FBXL13: variants seen among roughly 807,000 people sequenced by gnomAD.
FBXL13 encodes F-box and leucine-rich repeat protein 13.
Under a neutral mutation model 83.6 loss-of-function variants are expected in FBXL13, and 67 were observed. The observed-to-expected ratio is 0.80, with a 90% CI of 0.66 to 0.98. The LOEUF is 0.98. Among genes scored for constraint, FBXL13 ranks in the 50% least tolerant of loss-of-function variants. The pLI, the probability that FBXL13 is intolerant of heterozygous loss-of-function variation, is 0.00. For synonymous variants in FBXL13, 272 were observed against 299.5 expected (o/e 0.91, Z 0.95); for missense variants, 822 against 866.5 (o/e 0.95, Z 0.64).
chr7:102,827,571 A>G (rs952391186), intron 18 of FBXL13, among the ~76,000 whole-genome samples: 1 of 151,918 alleles, frequency 6.6e-6, no homozygotes, highest in African/African-American at 2.4e-5. Context: ...ACATGTGCAC[A>G]ATGTGCATGT....
chr7:103,054,125 G>GTGGC (rs1452969109), intron 2 of FBXL13, among the ~76,000 whole-genome samples: 2 of 108,432 alleles, frequency 1.8e-5, no homozygotes, highest in Non-Finnish European at 4.5e-5. Context: ...GCCAAGCACA[G>GTGGC]TGGCTCACAC....
chr7:102,939,894 GTTTTTTT>G (rs199710203), intron 8 of FBXL13, among the ~76,000 whole-genome samples: 1 of 148,222 alleles, frequency 6.7e-6, no homozygotes, highest in Non-Finnish European at 1.5e-5. Context: ...AAATGTAGTG[GTTTTTTT>G]TTTGTTTTTT....
intron 2 of FBXL13, among the ~76,000 whole-genome samples, chr7:103,032,175 C>T (rs1794577102): frequency 6.6e-6 from 1 of 151,950 alleles, no homozygotes; most frequent in African/African-American, 2.4e-5. Context: ...CAACCCAGTC[C>T]TAAAAAAATA....
At chr7:102,948,796 C>T (rs1336143822) in intron 8 of FBXL13, among the ~76,000 whole-genome samples, 1 of 151,992 alleles carries the variant, frequency 6.6e-6, no homozygotes, top group Non-Finnish European at 1.5e-5. Flanking sequence ...ACTGTAACCT[C>T]CATCTCATGG....
chr7:102,965,305 A>C (rs895037266), intron 7 of FBXL13, among the ~76,000 whole-genome samples: 2 of 152,184 alleles, frequency 1.3e-5, no homozygotes, highest in Non-Finnish European at 2.9e-5. Context: ...GCTATGACTT[A>C]ACTAAGGCTT....
chr7:103,049,964 T>C (rs192393432), intron 2 of FBXL13: 4 of 152,258 alleles, frequency 2.6e-5, no homozygotes, highest in African/African-American at 7.2e-5. Context: ...CAGGCCACCA[T>C]TGTGAAAAGA....
chr7:103,056,944 C>G (rs1350056796), intron 1 of FBXL13, among the ~76,000 whole-genome samples: 1 of 151,854 alleles, frequency 6.6e-6, no homozygotes, highest in African/African-American at 2.4e-5. Flanking sequence ...GTTTGTTGGC[C>G]ATCTGTATAT....
At position 103,070,135 on chromosome 7, in the gene FBXL13, G is replaced by A. The variant is rs182906330; in HGVS notation, c.-105+4111C>T. On this transcript the variant is annotated intron_variant, in intron 1 of 19. Transcript: ENST00000313221. The stretch of plus-strand genomic sequence containing the variant: ...ATGTATGAAGGCAGGAAAATGTCTT[G>A]AATTATCAACAGAAGAAAATAAGCA... Among the ~76,000 whole-genome samples, 6 of 151,570 alleles carry A rather than the reference G, an allele frequency of 4.0e-5. No individual in the cohort carries two copies. In the East Asian group the frequency reaches 1.2e-3, roughly 29 times the overall value.
intron 17 of FBXL13, among the ~76,000 whole-genome samples, chr7:102,848,032 C>T (rs2129450395): frequency 6.6e-6 from 1 of 152,122 alleles, no homozygotes; most frequent in Admixed American, 6.5e-5. Flanking sequence ...CATAGATGTA[C>T]CTTTACATAT....
At chr7:103,062,261 G>A (rs964372847) in intron 1 of FBXL13, among the ~76,000 whole-genome samples, 4 of 152,120 alleles carry the variant, frequency 2.6e-5, no homozygotes, top group African/African-American at 9.7e-5. Flanking sequence ...TCCCTGTGGG[G>A]CAGTCCTTGT....
chr7:102,935,206 A>G (rs375542820), intron 8 of FBXL13, among the ~76,000 whole-genome samples: 49 of 141,336 alleles, frequency 3.5e-4, no homozygotes, highest in Middle Eastern at 3.7e-3. Context: ...GTTTTAATAA[A>G]TGCTCCTATG....
At chr7:102,929,824 T>C (rs1335727880) in intron 9 of FBXL13, among the ~76,000 whole-genome samples, 2 of 152,104 alleles carry the variant, frequency 1.3e-5, no homozygotes, top group African/African-American at 4.8e-5. Context: ...GTTGTGGTGA[T>C]GGTCAAACAA....
chr7:102,923,928 C>G (rs551965822), intron 10 of FBXL13, among the ~76,000 whole-genome samples: 1 of 151,398 alleles, frequency 6.6e-6, no homozygotes, highest in Non-Finnish European at 1.5e-5. Context: ...AATTGGTTAC[C>G]TATTTAACAA....
chr7:103,007,719 C>T (rs962772150), intron 6 of FBXL13, among the ~76,000 whole-genome samples: 10 of 152,022 alleles, frequency 6.6e-5, no homozygotes, highest in Admixed American at 5.2e-4. Context: ...GAACCCCTTC[C>T]GTTACCCTTT....
intron 9 of FBXL13, among the ~76,000 whole-genome samples, chr7:102,930,626 CT>C (rs1818985865): frequency 6.6e-6 from 1 of 152,260 alleles, no homozygotes; most frequent in South Asian, 2.1e-4. Flanking sequence ...TTCTGAAACT[CT>C]TTACTCACTT....
At chr7:102,911,071 C>T (rs919658832) in intron 11 of FBXL13, among the ~76,000 whole-genome samples, 8 of 152,160 alleles carry the variant, frequency 5.3e-5, no homozygotes, top group African/African-American at 1.9e-4. Context: ...TAAAAGCATA[C>T]AAAGGTGTTT....
chr7:103,064,245 T>TA (rs1286240443), intron 1 of FBXL13, among the ~76,000 whole-genome samples: 1 of 152,204 alleles, frequency 6.6e-6, no homozygotes, highest in Non-Finnish European at 1.5e-5. Flanking sequence ...TCCCTGTCGT[T>TA]ACAAACATTA....
intron 2 of FBXL13, among the ~76,000 whole-genome samples, chr7:103,048,558 C>T (rs1796508788): frequency 6.6e-6 from 1 of 152,152 alleles, no homozygotes; most frequent in Admixed American, 6.5e-5. Context: ...TAAAACCTCA[C>T]AGACAAATCT....
At chr7:103,046,157 G>T (rs1257314225) in intron 2 of FBXL13, among the ~76,000 whole-genome samples, 1 of 152,104 alleles carries the variant, frequency 6.6e-6, no homozygotes, top group Non-Finnish European at 1.5e-5. Flanking sequence ...TGCTTTAAGT[G>T]GTCTTTTCAT....
Sources: allele counts gnomAD v4.1 joint callset (sites outside exome capture counted in the v4.1 genomes callset), GRCh38; gene constraint gnomAD v4.1.1; transcripts MANE v1.5; gene names NCBI Gene and HGNC (gene_info 2026-07-23, HGNC 2026-07-21).